NUAK1: variants seen among roughly 807,000 people sequenced by gnomAD.
NUAK1 encodes NUAK family SNF1-like kinase 1.
In NUAK1, 26 loss-of-function variants were observed where a neutral mutation model predicts 56.9. The observed-to-expected ratio is 0.46, with a 90% CI of 0.33 to 0.63. The LOEUF (loss-of-function observed/expected upper bound fraction) is 0.63, where lower values mean the gene tolerates loss of function less well. NUAK1 is among the 30% of genes least tolerant of loss of function. The pLI is 0.02. For synonymous variants in NUAK1, 337 were observed against 336.0 expected, an observed-to-expected ratio of 1.00 and a Z score of -0.03; for missense variants, 727 against 876.1, an observed-to-expected ratio of 0.83 and a Z score of 2.15.
At chr12:106,123,857 C>T (rs2136481193) in intron 1 of NUAK1, among the ~76,000 whole-genome samples, 1 of 152,280 alleles carries the variant, frequency 6.6e-6, no homozygotes, top group Non-Finnish European at 1.5e-5. Flanking sequence ...TACAACGTCC[C>T]ACTGGGCCCG....
At chr12:106,072,665 C>T in intron 5 of NUAK1, 59 bp downstream of exon 5, 4 of 1,529,980 alleles carry the variant, frequency 2.6e-6, no homozygotes, top group Non-Finnish European at 1.8e-6. Context: ...CAGTTTTTGC[C>T]CTTCCTCCCT....
At chr12:106,087,179 C>G (rs2032581318) in intron 2 of NUAK1, among the ~76,000 whole-genome samples, 1 of 152,210 alleles carries the variant, frequency 6.6e-6, no homozygotes, top group African/African-American at 2.4e-5. Context: ...TTCTCATACC[C>G]TCTCCCAGAA....
chr12:106,079,708 T>G (rs1016881243), intron 4 of NUAK1, among the ~76,000 whole-genome samples: 1 of 152,242 alleles, frequency 6.6e-6, no homozygotes, highest in East Asian at 1.9e-4. Context: ...TGGATTTTCT[T>G]CACTGCCAGC....
intron 6 of NUAK1, 99 bp downstream of exon 6, chr12:106,070,675 A>G (rs2032396296): frequency 6.9e-7 from 1 of 1,450,720 alleles, no homozygotes; most frequent in Non-Finnish European, 9.5e-7. Flanking sequence ...AAACCAGGTG[A>G]CTCCAGACAG....
chr12:106,083,988 G>C, intron 3 of NUAK1, 59 bp from the exon 4 acceptor site: 1 of 1,405,606 alleles, frequency 7.1e-7, no homozygotes, highest in Non-Finnish European at 1.0e-6. Flanking sequence ...GAACAAGAGA[G>C]AAAGAGGAAG....
intron 1 of NUAK1, among the ~76,000 whole-genome samples, chr12:106,115,764 T>C (rs1200291238): frequency 2.6e-5 from 4 of 152,208 alleles, no homozygotes; most frequent in South Asian, 2.1e-4. Context: ...GAGCATTTCC[T>C]GCCGTCCCAT....
chr12:106,075,318 CAGAG>C (rs1555222949), intron 4 of NUAK1, among the ~76,000 whole-genome samples: 3 of 146,744 alleles, frequency 2.0e-5, no homozygotes, highest in South Asian at 2.2e-4. Flanking sequence ...CACACACACA[CAGAG>C]AGAGAGAGAG....
chr12:106,068,627 A>G (rs760300788), intron 6 of NUAK1, among the ~76,000 whole-genome samples: 4 of 152,220 alleles, frequency 2.6e-5, no homozygotes, highest in African/African-American at 9.6e-5. Context: ...GAAGTGATCT[A>G]TATCTGCTTC....
chr12:106,135,080 T>C (rs759447085), intron 1 of NUAK1, among the ~76,000 whole-genome samples: 1 of 152,218 alleles, frequency 6.6e-6, no homozygotes, highest in African/African-American at 2.4e-5. Flanking sequence ...TATAGATCAC[T>C]GTATTCAGTT....
intron 4 of NUAK1, 86 bp from the exon 5 acceptor site, chr12:106,072,929 G>C (rs2032421164): frequency 6.6e-7 from 1 of 1,511,928 alleles, no homozygotes; most frequent in South Asian, 1.2e-5. Flanking sequence ...ACAGCACACA[G>C]AGTGGATGAA....
intron 2 of NUAK1, among the ~76,000 whole-genome samples, chr12:106,093,640 C>T (rs760802820): frequency 1.3e-5 from 2 of 152,170 alleles, no homozygotes; most frequent in African/African-American, 2.4e-5. Context: ...CCACTGGCCA[C>T]GTGACAGCCG....
At chr12:106,126,154 C>T (rs2136482607) in intron 1 of NUAK1, among the ~76,000 whole-genome samples, 1 of 152,230 alleles carries the variant, frequency 6.6e-6, no homozygotes, top group African/African-American at 2.4e-5. Context: ...CTTAAAAGGA[C>T]CAGCAAGGAG....
rs935117110 is a variant in NUAK1 at position 106,085,194 on chromosome 12, T to A, written c.514-1265A>T. Among the ~76,000 whole-genome samples the A allele has an allele frequency of 2.0e-5, 3 of 152,234 alleles. No individual in the cohort carries two copies. In the East Asian group the frequency reaches 5.8e-4, roughly 29 times the overall value. ...TCCTGGTTTTTGTAATAAGATGGAA[T>A]GAGTCTAATAAAGCCTCATTCATAC... is the stretch of plus-strand genomic sequence containing the variant. On this transcript the variant is annotated intron_variant, in intron 3 of 6. Coordinates refer to ENST00000261402, the MANE Select transcript of NUAK1 (RefSeq NM_014840.3).
chr12:106,083,952 G>A (rs375167743), intron 3 of NUAK1, 23 bp from the exon 4 acceptor site: 2 of 1,603,300 alleles, frequency 1.2e-6, no homozygotes, highest in Non-Finnish European at 1.7e-6. Context: ...GACAAAGAGG[G>A]AATTGAATGG....
chr12:106,109,103 C>A (rs927654698), intron 1 of NUAK1, among the ~76,000 whole-genome samples: 6 of 152,136 alleles, frequency 3.9e-5, no homozygotes, highest in African/African-American at 1.4e-4. Flanking sequence ...CAGGAGGAGA[C>A]AAATGCTAGA....
At chr12:106,100,789 A>G (rs1216927381) in intron 2 of NUAK1, among the ~76,000 whole-genome samples, 3 of 152,132 alleles carry the variant, frequency 2.0e-5, no homozygotes, top group African/African-American at 7.2e-5. Flanking sequence ...TAGGCACATC[A>G]TTGCATTGTC....
At chr12:106,123,728 C>T (rs1046976773) in intron 1 of NUAK1, among the ~76,000 whole-genome samples, 2 of 152,136 alleles carry the variant, frequency 1.3e-5, no homozygotes, top group Admixed American at 1.3e-4. Flanking sequence ...GTATGCAGCC[C>T]GGCCAAGCCC....
At chr12:106,082,966 G>A (rs2032533324) in intron 4 of NUAK1, among the ~76,000 whole-genome samples, 1 of 152,200 alleles carries the variant, frequency 6.6e-6, no homozygotes, top group Non-Finnish European at 1.5e-5. Context: ...GTTTCATAAT[G>A]AAACCCATGC....
At chr12:106,075,507 TG>T (rs2032454921) in intron 4 of NUAK1, among the ~76,000 whole-genome samples, 1 of 152,296 alleles carries the variant, frequency 6.6e-6, no homozygotes, top group African/African-American at 2.4e-5. Context: ...CTATCCCTAC[TG>T]TGTCATGGTG....
Sources: gnomAD v4.1 joint callset for allele counts (sites outside exome capture counted in the v4.1 genomes callset) on GRCh38, gnomAD v4.1.1 for gene constraint, MANE v1.5 for transcripts, NCBI Gene and HGNC (gene_info 2026-07-23, HGNC 2026-07-21) for gene names.